The following NBAS variants were observed in gnomAD, a reference collection of about 807,000 sequenced individuals.
NBAS encodes NAG/BC035112 fusion.
A neutral mutation model predicts 302.5 loss-of-function variants in NBAS; 219 were observed. The observed-to-expected ratio is 0.72, with a 90% confidence interval of 0.65 to 0.81. The LOEUF is 0.81. Among genes scored for constraint, NBAS ranks in the 30% least tolerant of loss-of-function variants. The probability of loss-of-function intolerance (pLI) is 0.00; values close to 1 mark genes in which losing one functional copy is unlikely to be tolerated. For synonymous variants in NBAS, 1,118 were observed against 1,021.6 expected (o/e 1.09, Z -1.80); for missense variants, 2,932 against 2,841.6 (o/e 1.03, Z -0.72).
intron 32 of NBAS, among the ~76,000 whole-genome samples, chr2:15,358,691 T>C (rs1210704087): frequency 2.6e-5 from 4 of 152,138 alleles, no homozygotes; most frequent in Non-Finnish European, 5.9e-5. Context: ...GCAATCCTCC[T>C]GCCTCAGCCT....
At chr2:15,347,534 T>C (rs1673152188) in intron 35 of NBAS, among the ~76,000 whole-genome samples, 2 of 152,254 alleles carry the variant, frequency 1.3e-5, no homozygotes, top group Admixed American at 1.3e-4. Context: ...ACTTAGCCCA[T>C]GCTCAAGTTT....
the NBAS span, among the ~76,000 whole-genome samples, chr2:14,861,283 T>C: frequency 5.3e-5 from 8 of 152,216 alleles, no homozygotes; most frequent in Admixed American, 2.0e-4. Context: ...TCCAACAAAA[T>C]ACGTGTTTTG....
chr2:15,393,307 T>C (rs1160107896), intron 28 of NBAS, among the ~76,000 whole-genome samples: 2 of 151,812 alleles, frequency 1.3e-5, no homozygotes, highest in African/African-American at 2.4e-5. Context: ...ATATATCTAA[T>C]AAAAGGACTT....
In NBAS at chr2:15,328,836, C is replaced by G. The variant is rs138505837; in HGVS notation, c.4348-524G>C. ...CCTCAACCAAACTGCCTGCTTTATG[C>G]ATCCTATCCGCTTCTATGTCTTTCT... is the stretch of plus-strand genomic sequence containing the variant. On this transcript the variant is annotated intron_variant, in intron 36 of 51. Coordinates refer to ENST00000281513, the MANE Select transcript of NBAS (RefSeq NM_015909.4). Among the ~76,000 whole-genome samples the G allele has an allele frequency of 9.3e-4, 141 of 152,304 alleles. 1 individual carries two copies. The highest frequency in any genetic ancestry group is 3.1e-3 in the African/African-American group (130 of 41,594).
chr2:15,310,694 G>T (rs1340082002), intron 38 of NBAS, among the ~76,000 whole-genome samples: 1 of 152,106 alleles, frequency 6.6e-6, no homozygotes, highest in African/African-American at 2.4e-5. Flanking sequence ...ACCCTGCCTC[G>T]CCTATTACTT....
intron 28 of NBAS, among the ~76,000 whole-genome samples, chr2:15,386,501 C>CT (rs1223403428): frequency 2.6e-5 from 4 of 152,114 alleles, no homozygotes; most frequent in African/African-American, 9.7e-5. Flanking sequence ...CTTGGGGTGG[C>CT]TTTTTTTCCC....
At chr2:15,531,511 T>C (rs1365364036) in intron 9 of NBAS, among the ~76,000 whole-genome samples, 5 of 152,154 alleles carry the variant, frequency 3.3e-5, no homozygotes, top group Non-Finnish European at 5.9e-5. Flanking sequence ...CTGTGATAAG[T>C]ACATTTCAAA....
intron 12 of NBAS, among the ~76,000 whole-genome samples, chr2:15,482,404 C>A (rs1680465816): frequency 6.6e-6 from 1 of 152,152 alleles, no homozygotes; most frequent in South Asian, 2.1e-4. Flanking sequence ...TGGAATGAGC[C>A]ACCGCACCCA....
the NBAS span, among the ~76,000 whole-genome samples, chr2:14,934,663 T>A: frequency 4.7e-4 from 72 of 152,174 alleles, 1 homozygote; most frequent in Non-Finnish European, 1.5e-5. Context: ...GTCAACTTCT[T>A]TTGTGAATTT....
chr2:14,915,153 G>T, the NBAS span, among the ~76,000 whole-genome samples: 3 of 152,234 alleles, frequency 2.0e-5, no homozygotes, highest in Admixed American at 2.0e-4. Flanking sequence ...AGATACAGGT[G>T]ATGGGTTTAA....
rs1324273231 is a variant in NBAS, at chr2:15,218,897, AC to A, written c.6307del (p.Val2103CysfsTer17). On this transcript the variant is annotated frameshift_variant, in exon 48 of 52. Coordinates refer to ENST00000281513, the MANE Select transcript of NBAS (RefSeq NM_015909.4). LOFTEE classifies it high-confidence loss of function. Reference protein sequence around the residue: ...RPFCADDAWPVRPRIHVLQIL... With the variant: ...RPFCADDAWPXRPRIHVLQIL... ...CTGCAGCACGTGAATGCGGGGCCGC[AC>A]CGGCCAGGCGTCATCAGCACAGAAA... The A allele has an allele frequency of 6.2e-7, 1 of 1,614,130 alleles. No individual in the cohort carries two copies. Among genetic ancestry groups the A allele is most frequent in the Non-Finnish European group, 8.5e-7 (1 of 1,180,050 alleles).
At chr2:15,082,927 A>G in the NBAS span, among the ~76,000 whole-genome samples, 1 of 152,344 alleles carries the variant, frequency 6.6e-6, no homozygotes, top group African/African-American at 2.4e-5. Context: ...GCTTTGTGTA[A>G]AAGTTGAAGA....
intron 51 of NBAS, among the ~76,000 whole-genome samples, chr2:15,174,379 G>A (rs1331762532): frequency 6.6e-6 from 1 of 152,200 alleles, no homozygotes; most frequent in African/African-American, 2.4e-5. Flanking sequence ...ACTGTCACTG[G>A]AAGAAGGACA....
chr2:15,043,242 G>A, the NBAS span, among the ~76,000 whole-genome samples: 3 of 152,038 alleles, frequency 2.0e-5, no homozygotes, highest in Admixed American at 2.0e-4. Flanking sequence ...ACAGCCTGTG[G>A]GCACCAAAAA....
At chr2:14,855,566 G>T in the NBAS span, among the ~76,000 whole-genome samples, 3 of 152,194 alleles carry the variant, frequency 2.0e-5, no homozygotes, top group Admixed American at 6.5e-5. Context: ...CCCAGGCTAG[G>T]CAGCATTCAT....
At chr2:14,909,366 T>TAAAAAAAAAAAAAGA in the NBAS span, among the ~76,000 whole-genome samples, 1 of 78,582 alleles carries the variant, frequency 1.3e-5, no homozygotes, top group African/African-American at 5.5e-5. Flanking sequence ...GGAGAGTTTC[T>TAAAAAAAAAAAAAGA]AAAAAAAAAA....
At chr2:15,456,493 G>C (rs750806195) in intron 21 of NBAS, among the ~76,000 whole-genome samples, 1 of 152,180 alleles carries the variant, frequency 6.6e-6, no homozygotes, top group African/African-American at 2.4e-5. Context: ...CTGAGCTACT[G>C]GTTTGTACTA....
At chr2:15,398,487 A>G (rs1675985807) in intron 26 of NBAS, among the ~76,000 whole-genome samples, 1 of 152,146 alleles carries the variant, frequency 6.6e-6, no homozygotes, top group South Asian at 2.1e-4. Context: ...ATCATTTATC[A>G]TAGATATTAG....
At chr2:15,371,050 G>A (rs1472781902) in intron 31 of NBAS, among the ~76,000 whole-genome samples, 1 of 152,176 alleles carries the variant, frequency 6.6e-6, no homozygotes, top group East Asian at 1.9e-4. Flanking sequence ...GGTGTTGAGG[G>A]AATGACCTGG....
Sources: allele counts gnomAD v4.1 joint callset (sites outside exome capture counted in the v4.1 genomes callset), GRCh38; gene constraint gnomAD v4.1.1; transcripts MANE v1.5; gene names NCBI Gene and HGNC (gene_info 2026-07-23, HGNC 2026-07-21).